The following GSK3B variants were observed in gnomAD, a reference collection of about 807,000 sequenced individuals.
GSK3B encodes the protein glycogen synthase kinase-3 beta.
In GSK3B, 15 loss-of-function variants were observed where a neutral mutation model predicts 56.4. The ratio of observed to expected loss-of-function variants is 0.27; its 90% CI spans 0.18 to 0.41. GSK3B has a LOEUF of 0.41. GSK3B is among the 10% of genes least tolerant of loss of function. The probability of loss-of-function intolerance (pLI) is 1.00; values close to 1 mark genes in which losing one functional copy is unlikely to be tolerated. For missense variants in GSK3B, 300 were observed against 513.4 expected, an observed-to-expected ratio of 0.58 and a Z score of 4.02; for synonymous variants, 181 against 188.9, an observed-to-expected ratio of 0.96 and a Z score of 0.34.
intron 2 of GSK3B, among the ~76,000 whole-genome samples, chr3:119,950,606 G>T (rs930951786): frequency 5.3e-5 from 8 of 152,128 alleles, no homozygotes; most frequent in African/African-American, 1.9e-4. Flanking sequence ...GGGACACAGG[G>T]TCCTAAGGGG....
intron 1 of GSK3B, among the ~76,000 whole-genome samples, chr3:120,055,403 G>A (rs148176925): frequency 1.2e-3 from 176 of 152,154 alleles, no homozygotes; most frequent in African/African-American, 4.2e-3. Context: ...AGCAATAATA[G>A]TATATCAATA....
intron 1 of GSK3B, among the ~76,000 whole-genome samples, chr3:120,044,662 T>C (rs772147386): frequency 7.9e-5 from 12 of 152,222 alleles, no homozygotes; most frequent in South Asian, 2.1e-4. Context: ...AACAAAAATG[T>C]AGATTGGATA....
intron 1 of GSK3B, among the ~76,000 whole-genome samples, chr3:120,005,426 C>T (rs145233682): frequency 0.014 from 2,131 of 152,076 alleles, 52 homozygotes; most frequent in Admixed American, 0.035. Flanking sequence ...AATACAGAGA[C>T]CACCACAAAG....
chr3:119,860,375 T>C lies in GSK3B; in HGVS notation c.1096+3044A>G, dbSNP rs182464116. On this transcript the variant is annotated intron_variant, in intron 9 of 10. Transcript: ENST00000264235. ...TCCAACATCTGAATGCAGATAATAT[T>C]GTCAGTCATGGGGTCCTGGAACACT... Among the ~76,000 whole-genome samples the C allele has an allele frequency of 2.0e-3, 299 of 152,250 alleles. 1 individual carries two copies. Among genetic ancestry groups the C allele is most frequent in the African/African-American group, 6.7e-3 (280 of 41,546 alleles).
intron 3 of GSK3B, among the ~76,000 whole-genome samples, chr3:119,933,729 T>C (rs1442158423): frequency 6.6e-6 from 1 of 151,720 alleles, no homozygotes; most frequent in Non-Finnish European, 1.5e-5. Context: ...ATAAAAAAAT[T>C]AGCCAGGCAT....
At position 119,863,601 on chromosome 3, in the gene GSK3B, A is replaced by G; in HGVS notation, c.914T>C (p.Phe305Ser). The G allele has an allele frequency of 6.2e-7, 1 of 1,601,804 alleles. No individual in the cohort carries two copies. Among genetic ancestry groups the G allele is most frequent in the Non-Finnish European group, 8.6e-7 (1 of 1,169,310 alleles). ...TGCCTCCGGTGGAGTTCGGGGTCGGAAGACCTGCAGTACAAAAAAAGGGAA... is the reference window on the plus strand; with the variant it reads ...TGCCTCCGGTGGAGTTCGGGGTCGGGAGACCTGCAGTACAAAAAAAGGGAA... ...QIKAHPWTKV[F>S]RPRTPPEAIA... The change falls in exon 9 of 11, where the codon TTC becomes TCC. Residue 305 changes from phenylalanine to serine, a missense_variant. Transcript: ENST00000264235.
At chr3:119,838,310 T>C (rs1182720736) in intron 10 of GSK3B, among the ~76,000 whole-genome samples, 1 of 151,930 alleles carries the variant, frequency 6.6e-6, no homozygotes, top group Non-Finnish European at 1.5e-5. Flanking sequence ...GAAATTATAC[T>C]TTAGGAATTG....
At position 120,094,038 on chromosome 3, in the gene GSK3B, CG is replaced by C; in HGVS notation, c.-605del. On this transcript the variant is annotated 5_prime_UTR_variant, in exon 1 of 11. It removes the in-frame stop codon of an upstream open reading frame in the 5' UTR. Coordinates refer to ENST00000264235, the MANE Select transcript of GSK3B (RefSeq NM_001146156.2). ...GGCGGAGTCGCGAGTCAGTCAGAGGCGGGCGGTGGCGGTGGCGGCGGCTCCT... is the reference window on the plus strand; with the variant it reads ...GGCGGAGTCGCGAGTCAGTCAGAGGCGGCGGTGGCGGTGGCGGCGGCTCCT... 1 of 224,566 alleles carries C rather than the reference CG, an allele frequency of 4.5e-6. No individual in the cohort carries two copies. The highest frequency in any genetic ancestry group is 5.8e-5 in the Admixed American group (1 of 17,248). 13.9% of individuals were successfully genotyped at this position (224,566 alleles called of 1,614,324 possible). A position where few individuals can be genotyped will look rare whatever the true frequency, so the allele number is the denominator to read the frequency against.
intron 2 of GSK3B, among the ~76,000 whole-genome samples, chr3:119,984,034 A>T (rs566634208): frequency 6.6e-5 from 10 of 152,368 alleles, no homozygotes; most frequent in African/African-American, 2.4e-4. Flanking sequence ...ATAAAATTAG[A>T]ACTCAGGATT....
chr3:119,922,150 A>C lies in GSK3B; in HGVS notation c.477+1223T>G, dbSNP rs536612083. On this transcript the variant is annotated intron_variant, in intron 4 of 10. Transcript: ENST00000264235. Reference sequence around the variant, plus strand: ...AAATGAAGGAAGGAAGGAAGGAAGGAGGTAGGTAGGTAAGGAGGTAGGTTA... The same window carrying C: ...AAATGAAGGAAGGAAGGAAGGAAGGCGGTAGGTAGGTAAGGAGGTAGGTTA... Among the ~76,000 whole-genome samples the C allele has an allele frequency of 8.8e-5, 13 of 147,778 alleles. No homozygotes were observed. In the South Asian group the frequency reaches 2.9e-3, roughly 33 times the overall value.
chr3:119,869,723 T>TTATTA (rs2056229066), intron 8 of GSK3B, among the ~76,000 whole-genome samples: 2 of 152,326 alleles, frequency 1.3e-5, no homozygotes, highest in South Asian at 4.1e-4. Context: ...ACCAAATGTT[T>TTATTA]TCCCTCATCA....
chr3:120,056,931 C>T (rs980491053), intron 1 of GSK3B, among the ~76,000 whole-genome samples: 10 of 152,092 alleles, frequency 6.6e-5, no homozygotes, highest in East Asian at 1.9e-4. Flanking sequence ...TCACTGGAGG[C>T]CAGTAGCTCA....
chr3:119,913,977 CAAGA>C (rs2056759071), intron 5 of GSK3B, among the ~76,000 whole-genome samples: 2 of 152,120 alleles, frequency 1.3e-5, no homozygotes, highest in African/African-American at 4.8e-5. Flanking sequence ...TTTTAATTAA[CAAGA>C]TAGATGCTAA....
chr3:119,928,612 T>TAAAAAAAAAAAAAAAAAAAA (rs1160252679), intron 3 of GSK3B, among the ~76,000 whole-genome samples: 1 of 67,034 alleles, frequency 1.5e-5, no homozygotes, highest in African/African-American at 4.7e-5. Context: ...ATCAAAAAAA[T>TAAAAAAAAAAAAAAAAAAAA]AAAAAAAAAA....
At chr3:120,027,421 T>A (rs1350605913) in intron 1 of GSK3B, among the ~76,000 whole-genome samples, 1 of 151,752 alleles carries the variant, frequency 6.6e-6, no homozygotes, top group Non-Finnish European at 1.5e-5. Context: ...GAAACCCTAT[T>A]CTTTGACCCA....
chr3:119,947,409 G>A, intron 2 of GSK3B, 58 bp from the exon 3 acceptor site: 3 of 1,019,720 alleles, frequency 2.9e-6, no homozygotes, highest in Non-Finnish European at 4.6e-6. Context: ...TCATCATATT[G>A]AACAAGATGC....
At chr3:120,053,134 C>T (rs570819656) in intron 1 of GSK3B, among the ~76,000 whole-genome samples, 19 of 152,158 alleles carry the variant, frequency 1.2e-4, no homozygotes, top group African/African-American at 3.9e-4. Context: ...GTCAGGAGTT[C>T]GAGACCAGCC....
intron 6 of GSK3B, among the ~76,000 whole-genome samples, chr3:119,910,672 A>C (rs2056726594): frequency 6.6e-6 from 1 of 152,054 alleles, no homozygotes; most frequent in Non-Finnish European, 1.5e-5. Context: ...TTCATGAAAG[A>C]TTTTTCTCTA....
At chr3:119,979,246 T>TAGAA (rs2057438064) in intron 2 of GSK3B, among the ~76,000 whole-genome samples, 2 of 152,194 alleles carry the variant, frequency 1.3e-5, no homozygotes, top group Non-Finnish European at 2.9e-5. Context: ...CAGGCCTTCT[T>TAGAA]CTACTTCTAC....
Sources: allele counts gnomAD v4.1 joint callset (sites outside exome capture counted in the v4.1 genomes callset), GRCh38; gene constraint gnomAD v4.1.1; transcripts MANE v1.5; gene names NCBI Gene and HGNC (gene_info 2026-07-23, HGNC 2026-07-21).